Variants in DOCK9 observed in about 807,000 individuals in gnomAD.
DOCK9 encodes the protein dedicator of cytokinesis protein 9.
DOCK9 carries 89 observed loss-of-function variants against 263.3 expected under a neutral mutation model. That is an observed-to-expected ratio of 0.34 (90% CI 0.28 to 0.40). DOCK9 has a LOEUF of 0.40. Ranked by LOEUF, DOCK9 falls within the 10% of genes least tolerant of loss-of-function variation. DOCK9 has a pLI of 1.00. For missense variants in DOCK9, 2,140 were observed against 2,603.4 expected (o/e 0.82, Z 3.87); for synonymous variants, 976 against 973.1 (o/e 1.00, Z -0.06).
At chr13:98,902,716 T>C (rs758304956) in intron 11 of DOCK9, among the ~76,000 whole-genome samples, 9 of 152,244 alleles carry the variant, frequency 5.9e-5, no homozygotes, top group South Asian at 4.1e-4. Context: ...GTATGTTCCA[T>C]AGAAAACACA....
intron 27 of DOCK9, among the ~76,000 whole-genome samples, chr13:98,876,266 T>G (rs2043832857): frequency 6.6e-6 from 1 of 152,116 alleles, no homozygotes; most frequent in Non-Finnish European, 1.5e-5. Context: ...CCAAGGTGGG[T>G]GGGTCACCTG....
At chr13:98,845,153 C>T (rs1566689583) in intron 38 of DOCK9, among the ~76,000 whole-genome samples, 1 of 152,192 alleles carries the variant, frequency 6.6e-6, no homozygotes, top group African/African-American at 2.4e-5. Flanking sequence ...CACACAATGC[C>T]TTGTCCCCTC....
chr13:98,954,415 C>T (rs933234241), intron 2 of DOCK9, among the ~76,000 whole-genome samples: 2 of 152,148 alleles, frequency 1.3e-5, no homozygotes, highest in African/African-American at 4.8e-5. Flanking sequence ...CAAGGTGGCT[C>T]GCTGCAAGGC....
At chr13:98,949,184 C>T (rs1293963159) in intron 2 of DOCK9, among the ~76,000 whole-genome samples, 1 of 152,202 alleles carries the variant, frequency 6.6e-6, no homozygotes, top group African/African-American at 2.4e-5. Flanking sequence ...GTGATCCTCC[C>T]ACCTCAGCCT....
At chr13:99,023,754 T>G (rs1462558265) in intron 1 of DOCK9, among the ~76,000 whole-genome samples, 1 of 152,212 alleles carries the variant, frequency 6.6e-6, no homozygotes, top group African/African-American at 2.4e-5. Flanking sequence ...TGGTAACTGG[T>G]CTTTTCTCGT....
intron 4 of DOCK9, 136 bp downstream of exon 4, chr13:98,925,701 T>C (rs1223079406): frequency 7.5e-6 from 4 of 530,424 alleles, no homozygotes; most frequent in African/African-American, 5.7e-5. Flanking sequence ...CTGTAAACAA[T>C]AGTTACACCA....
At chr13:98,925,462 T>A (rs187096697) in intron 4 of DOCK9, among the ~76,000 whole-genome samples, 57 of 152,330 alleles carry the variant, frequency 3.7e-4, no homozygotes, top group African/African-American at 1.3e-3. Context: ...TGTAAAATGC[T>A]CTTTATAATT....
chr13:99,043,008 A>G (rs1412130378), intron 1 of DOCK9, among the ~76,000 whole-genome samples: 3 of 152,184 alleles, frequency 2.0e-5, no homozygotes, highest in Non-Finnish European at 4.4e-5. Context: ...TCTGACCCAG[A>G]GACTCCCACA....
At chr13:98,854,410 G>T (rs2141642002) in intron 34 of DOCK9, 1 of 152,060 alleles carries the variant, frequency 6.6e-6, no homozygotes, top group African/African-American at 2.4e-5. Flanking sequence ...TTATGCGTGT[G>T]TGTGTGTGTG....
intron 4 of DOCK9, 28 bp downstream of exon 4, chr13:98,925,808 TC>T (rs2052848762): frequency 6.8e-7 from 1 of 1,466,204 alleles, no homozygotes; most frequent in Non-Finnish European, 9.2e-7. Flanking sequence ...CAAAGACTTT[TC>T]CCTATGTGTA....
intron 1 of DOCK9, among the ~76,000 whole-genome samples, chr13:98,956,227 C>T (rs1490870128): frequency 2.6e-5 from 4 of 152,126 alleles, no homozygotes; most frequent in East Asian, 1.9e-4. Context: ...AAAGAGGTAA[C>T]GAGTAAGTAG....
At chr13:98,959,304 C>T (rs1227636228) in intron 1 of DOCK9, 1 of 152,186 alleles carries the variant, frequency 6.6e-6, no homozygotes, top group African/African-American at 2.4e-5. Context: ...GTACCATGAC[C>T]AGGAAAACTC....
In DOCK9 at chr13:98,845,986, C is replaced by G; in HGVS notation, c.4136G>C (p.Gly1379Ala). Reference sequence around the variant, plus strand: ...CTGCTGCAATCTGGCATGCATCATTCCTGTTCTGTTACGGGAAACAGGCAA... The same window carrying G: ...CTGCTGCAATCTGGCATGCATCATTGCTGTTCTGTTACGGGAAACAGGCAA... ...QTLPVSRNRTGMMHARLQQLG... is the reference protein window; with the variant it reads ...QTLPVSRNRTAMMHARLQQLG... The change falls in exon 38 of 53, where the codon GGA becomes GCA. Residue 1379 changes from glycine to alanine, a missense_variant. Coordinates refer to ENST00000682017, the MANE Select transcript of DOCK9 (RefSeq NM_001366683.2). 1 of 1,612,340 alleles carries G rather than the reference C, an allele frequency of 6.2e-7. No homozygotes were observed. Among genetic ancestry groups the G allele is most frequent in the Non-Finnish European group, 8.5e-7 (1 of 1,179,222 alleles).
chr13:98,917,256 C>T (rs1406688004), intron 7 of DOCK9, among the ~76,000 whole-genome samples: 1 of 152,208 alleles, frequency 6.6e-6, no homozygotes, highest in Non-Finnish European at 1.5e-5. Context: ...TTACTTCCTA[C>T]TTTAAAAAAT....
chr13:98,829,532 G>T lies in DOCK9; in HGVS notation c.4750-10C>A. On this transcript the variant is annotated splice_polypyrimidine_tract_variant and intron_variant, in intron 42 of 52. Transcript: ENST00000682017. The surrounding 1 kb of genome is among the most constrained non-coding windows in gnomAD (Gnocchi z 4.1). ...AGGAGAAGCTGGTGTGCTAAAACAA[G>T]GGTGGAAGAGGAAAGGACACATGGC... The T allele has an allele frequency of 6.2e-7, 1 of 1,607,846 alleles. No homozygotes were observed. Among genetic ancestry groups the T allele is most frequent in the Non-Finnish European group, 8.5e-7 (1 of 1,176,730 alleles).
chr13:98,827,398 G>A (rs963427091), intron 43 of DOCK9, among the ~76,000 whole-genome samples: 15 of 152,110 alleles, frequency 9.9e-5, no homozygotes, highest in South Asian at 8.3e-4. Flanking sequence ...AACATTATAC[G>A]TATCTTAAAT....
At chr13:98,875,599 C>G (rs1392956633) in intron 27 of DOCK9, among the ~76,000 whole-genome samples, 3 of 152,326 alleles carry the variant, frequency 2.0e-5, no homozygotes, top group Middle Eastern at 3.4e-3. Flanking sequence ...GCTGAAATTA[C>G]AGCTGCTAAA....
intron 1 of DOCK9, among the ~76,000 whole-genome samples, chr13:99,053,381 A>T (rs1359634929): frequency 6.6e-6 from 1 of 152,274 alleles, no homozygotes; most frequent in Non-Finnish European, 1.5e-5. Context: ...GCAGAAGGAA[A>T]AAACCAGCAA....
chr13:98,960,709 C>T (rs534309967), intron 1 of DOCK9, among the ~76,000 whole-genome samples: 3 of 152,126 alleles, frequency 2.0e-5, no homozygotes, highest in East Asian at 1.9e-4. Flanking sequence ...TGGTTACAAA[C>T]GTAAATTCTG....
Sources: allele counts gnomAD v4.1 joint callset (sites outside exome capture counted in the v4.1 genomes callset), GRCh38; gene constraint gnomAD v4.1.1; non-coding constraint Gnocchi (gnomAD v3.1); transcripts MANE v1.5; gene names NCBI Gene and HGNC (gene_info 2026-07-23, HGNC 2026-07-21).